Variants in UNK observed in about 807,000 individuals in gnomAD.
The protein encoded by UNK is RING finger protein unkempt homolog.
In UNK, 32 loss-of-function variants were observed where a neutral mutation model predicts 97.6. The ratio of observed to expected loss-of-function variants is 0.33; its 90% confidence interval spans 0.25 to 0.44. The LOEUF is 0.44. UNK is among the 20% of genes least tolerant of loss of function. The pLI is 1.00. For synonymous variants in UNK, 441 were observed against 461.2 expected (o/e 0.96, Z 0.56); for missense variants, 771 against 1,098.4 (o/e 0.70, Z 4.21).
Position 75,818,725 on chromosome 17 carries a change from C to A in UNK, c.1455C>A (p.Pro485=), listed in dbSNP as rs751460711. Residue 485 remains proline (P), a synonymous_variant, in exon 11 of 16, where the codon CCC becomes CCA. Coordinates refer to ENST00000589666, the MANE Select transcript of UNK (RefSeq NM_001080419.3). This position sits in a 1 kb window ranked among gnomAD's most constrained non-coding sequence, Gnocchi z 5.1. ...TCACCTCCAGCCTGGCAGCTACCCC[C>A]CCTAGCCCAGTGGGCACCAGCAGCG... ...SSITSSLAAT[P]PSPVGTSSVP... 20 of 1,613,252 alleles carry A rather than the reference C, an allele frequency of 1.2e-5. No homozygotes were observed. The highest frequency in any genetic ancestry group is 2.5e-6 in the Non-Finnish European group (3 of 1,179,634).
intron 1 of UNK, among the ~76,000 whole-genome samples, chr17:75,795,108 C>G (rs930054679): frequency 6.6e-5 from 10 of 152,092 alleles, no homozygotes; most frequent in African/African-American, 2.4e-4. Flanking sequence ...ATTCTCCAGT[C>G]TTTGTAGCGC....
intron 1 of UNK, 66 bp downstream of exon 1, chr17:75,785,050 G>A (rs1567789831): frequency 1.6e-5 from 19 of 1,181,218 alleles, no homozygotes; most frequent in Non-Finnish European, 2.1e-5. Flanking sequence ...CGTGAGTCAC[G>A]CGCGCAGGGA....
intron 1 of UNK, among the ~76,000 whole-genome samples, chr17:75,802,604 T>G (rs1013000907): frequency 6.6e-6 from 1 of 152,060 alleles, no homozygotes; most frequent in Non-Finnish European, 1.5e-5. Flanking sequence ...TAAAACTACA[T>G]TTTTGTAGTT....
At chr17:75,812,758 A>G (rs901201232) in intron 4 of UNK, among the ~76,000 whole-genome samples, 173 bp downstream of exon 4, 1 of 152,190 alleles carries the variant, frequency 6.6e-6, no homozygotes, top group Admixed American at 6.5e-5. Context: ...TCCCTGACAC[A>G]TCATGTTCCC....
chr17:75,812,967 C>T, intron 4 of UNK, 111 bp from the exon 5 acceptor site: 6 of 1,414,306 alleles, frequency 4.2e-6, no homozygotes, highest in African/African-American at 1.4e-5. Context: ...CAGGGGCCTC[C>T]TGTCTTGAAC....
chr17:75,789,405 C>G (rs1300597755), intron 1 of UNK, among the ~76,000 whole-genome samples: 1 of 151,970 alleles, frequency 6.6e-6, no homozygotes, highest in Non-Finnish European at 1.5e-5. Flanking sequence ...GGCGCGATCT[C>G]GGCTCACTGC....
At chr17:75,786,086 T>C (rs2061707981) in intron 1 of UNK, among the ~76,000 whole-genome samples, 1 of 152,226 alleles carries the variant, frequency 6.6e-6, no homozygotes, top group Non-Finnish European at 1.5e-5. Flanking sequence ...TTATAGGAAG[T>C]GTATGGTTTC....
At chr17:75,803,977 T>C (rs2061887281) in intron 1 of UNK, among the ~76,000 whole-genome samples, 2 of 152,210 alleles carry the variant, frequency 1.3e-5, no homozygotes. Context: ...TTCAGGGAAG[T>C]CATGTTGATG....
intron 1 of UNK, among the ~76,000 whole-genome samples, chr17:75,788,688 A>ATTTTTGTCACCCAGGTTGG (rs2061735999): frequency 6.6e-6 from 1 of 150,442 alleles, no homozygotes; most frequent in African/African-American, 2.5e-5. Flanking sequence ...TTTTAAATTT[A>ATTTTTGTCACCCAGGTTGG]TTTTTGTCAC....
intron 1 of UNK, among the ~76,000 whole-genome samples, chr17:75,799,100 CA>C (rs2061833444): frequency 6.6e-6 from 1 of 151,084 alleles, no homozygotes; most frequent in African/African-American, 2.4e-5. Flanking sequence ...TGCTGGAGGT[CA>C]GGAGTTTGAG....
In UNK at chr17:75,784,855, C is replaced by A; in HGVS notation, c.-26C>A. On this transcript the variant is annotated 5_prime_UTR_variant, in exon 1 of 16. Transcript: ENST00000589666. ...CGCAGACTGAATAATAAAAGGGGAG[C>A]GGCGAAGAGGCAGGAAGACAAGACC... 1.3e-6 allele frequency: 2 copies of A among 1,598,322 alleles called. No homozygotes were observed. Among genetic ancestry groups the A allele is most frequent in the Non-Finnish European group, 1.7e-6 (2 of 1,169,890 alleles).
At chr17:75,823,144 C>A in intron 14 of UNK, 121 bp from the exon 15 acceptor site, 2 of 1,457,566 alleles carry the variant, frequency 1.4e-6, no homozygotes, top group Non-Finnish European at 9.1e-7. Context: ...GCCCTCCTCC[C>A]AGAGAGCCAA....
chr17:75,818,646 T>C lies in UNK; in HGVS notation c.1376T>C (p.Met459Thr). Residue 459 changes from methionine (M) to threonine (T), a missense_variant, in exon 11 of 16, where the codon ATG (methionine) becomes ACG (threonine). Coordinates refer to ENST00000589666, the MANE Select transcript of UNK (RefSeq NM_001080419.3). The surrounding 1 kb of genome is among the most constrained non-coding windows in gnomAD (Gnocchi z 5.1). Reference sequence around the variant, plus strand: ...CTCTTCCCTCTCTCGTTGCAGGACATGCTGGGCATCCTCCCCGCAGGCAGC... The same window carrying C: ...CTCTTCCCTCTCTCGTTGCAGGACACGCTGGGCATCCTCCCCGCAGGCAGC... ...EQPLLQPKQD[M>T]LGILPAGSPL... is the part of the protein sequence containing the mutation. 6.3e-7 allele frequency: 1 copy of C among 1,593,532 alleles called. No homozygotes were observed. The highest frequency in any genetic ancestry group is 1.1e-5 in the South Asian group (1 of 88,876).
intron 1 of UNK, among the ~76,000 whole-genome samples, chr17:75,808,777 G>T (rs1168741786): frequency 6.6e-6 from 1 of 152,082 alleles, no homozygotes; most frequent in Admixed American, 6.6e-5. Context: ...TATACTAACT[G>T]CCTGTCCTTC....
chr17:75,815,570 G>A (rs1423492565), intron 7 of UNK, among the ~76,000 whole-genome samples: 1 of 152,230 alleles, frequency 6.6e-6, no homozygotes, highest in African/African-American at 2.4e-5. Context: ...GCCACCCCAT[G>A]TCATACCCAT....
At chr17:75,785,656 A>G (rs1191446783) in intron 1 of UNK, 3 of 152,238 alleles carry the variant, frequency 2.0e-5, no homozygotes, top group African/African-American at 7.2e-5. Context: ...GGAGCCCCAA[A>G]TACTGACACT....
chr17:75,805,566 A>G (rs370154417), intron 1 of UNK, among the ~76,000 whole-genome samples: 2 of 151,546 alleles, frequency 1.3e-5, no homozygotes, highest in African/African-American at 4.9e-5. Context: ...AGGTCAAAGC[A>G]GGGGAGGATT....
intron 6 of UNK, among the ~76,000 whole-genome samples, chr17:75,814,483 C>G (rs1205087516): frequency 9.2e-6 from 1 of 108,120 alleles, no homozygotes; most frequent in Non-Finnish European, 1.9e-5. Flanking sequence ...CAGAGCGAGA[C>G]TCCATCAAAA....
In UNK at chr17:75,816,874, G is replaced by A. The variant is rs1259131519; in HGVS notation, c.1066G>A (p.Val356Met). Residue 356 changes from valine (V) to methionine (M), a missense_variant, in exon 8 of 16, where the codon GTG becomes ATG. Transcript: ENST00000589666. The surrounding 1 kb of genome is among the most constrained non-coding windows in gnomAD (Gnocchi z 4.0). ...ATCTGCCGCCGGAGACTCGGTGCCTGTGAGCCCCTCCAGCCCGCATGCCCC... is the reference window on the plus strand; with the variant it reads ...ATCTGCCGCCGGAGACTCGGTGCCTATGAGCCCCTCCAGCCCGCATGCCCC... ...MPSAAGDSVP[V>M]SPSSPHAPDL... The A allele has an allele frequency of 6.2e-7, 1 of 1,606,862 alleles. No individual in the cohort carries two copies. The highest frequency in any genetic ancestry group is 1.3e-5 in the African/African-American group (1 of 74,888).
Sources: allele counts gnomAD v4.1 joint callset (sites outside exome capture counted in the v4.1 genomes callset), GRCh38; gene constraint gnomAD v4.1.1; non-coding constraint Gnocchi (gnomAD v3.1); transcripts MANE v1.5; gene names NCBI Gene and HGNC (gene_info 2026-07-23, HGNC 2026-07-21).